Variants in MTAP observed in about 807,000 individuals in gnomAD.
The protein encoded by MTAP is methylthioadenosine phosphorylase.
A neutral mutation model predicts 33.6 loss-of-function variants in MTAP; 33 were observed. The ratio of observed to expected loss-of-function variants is 0.98; its 90% confidence interval spans 0.74 to 1.31. MTAP has a LOEUF of 1.31. Among genes scored for constraint, MTAP ranks in the 40% most tolerant of loss-of-function variants. The pLI is 0.00. For synonymous variants in MTAP, 148 were observed against 125.7 expected, an observed-to-expected ratio of 1.18 and a Z score of -1.19; for missense variants, 367 against 360.0, an observed-to-expected ratio of 1.02 and a Z score of -0.16.
intron 1 of MTAP, among the ~76,000 whole-genome samples, chr9:21,912,432 C>T (rs1044597102): frequency 7.2e-5 from 11 of 152,172 alleles, no homozygotes; most frequent in Non-Finnish European, 1.5e-4. Flanking sequence ...AGCTTAATCA[C>T]CATGATCAAG....
chr9:21,886,994 T>C (rs1818122340), intron 1 of MTAP, among the ~76,000 whole-genome samples: 1 of 152,202 alleles, frequency 6.6e-6, no homozygotes, highest in Non-Finnish European at 1.5e-5. Flanking sequence ...GGTATATTGA[T>C]AGGAATTGCA....
intron 7 of MTAP, chr9:21,860,066 A>T (rs757704245): frequency 6.6e-6 from 1 of 152,128 alleles, no homozygotes; most frequent in African/African-American, 2.4e-5. Flanking sequence ...CCATACCCCA[A>T]AGTCTCCTAG....
chr9:21,936,363 T>C (rs1468003208), exon 8 of MTAP: 3 of 152,234 alleles, frequency 2.0e-5, no homozygotes, highest in African/African-American at 7.2e-5. Context: ...TCCAGACAGA[T>C]GATGATAAAT....
At chr9:21,842,770 G>T (rs747483107) in intron 5 of MTAP, among the ~76,000 whole-genome samples, 1 of 152,134 alleles carries the variant, frequency 6.6e-6, no homozygotes, top group Non-Finnish European at 1.5e-5. Flanking sequence ...TCTAAATCTT[G>T]AAACAAAACC....
chr9:21,931,209 A>C (rs1312684097), downstream of MTAP: 1 of 717,770 alleles, frequency 1.4e-6, no homozygotes, highest in Admixed American at 1.9e-5. Context: ...GCAAGAGGCC[A>C]AGACCCACAG....
At chr9:21,887,176 A>T (rs1157644988) in intron 1 of MTAP, among the ~76,000 whole-genome samples, 1 of 152,104 alleles carries the variant, frequency 6.6e-6, no homozygotes, top group African/African-American at 2.4e-5. Context: ...TTTGTTACAT[A>T]TGTATACATG....
Position 21,862,248 on chromosome 9 carries a change from T to C in MTAP, c.*234T>C. On this transcript the variant is annotated 3_prime_UTR_variant, in exon 8 of 8. Coordinates refer to ENST00000644715, the MANE Select transcript of MTAP (RefSeq NM_002451.4). ...ACTAGTAAACATGTGGGAAAAAATA[T>C]TACATTTTAAGGGGGAAAAAAAAAC... 1.8e-6 allele frequency: 2 copies of C among 1,105,618 alleles called. No homozygotes were observed. The highest frequency in any genetic ancestry group is 2.3e-6 in the Non-Finnish European group (2 of 859,192). The allele number at this position is 1,105,618 out of a possible 1,614,324, so 68.5% of individuals were successfully genotyped here.
At chr9:21,930,075 T>C in intron 1 of MTAP, 1 of 460,484 alleles carries the variant, frequency 2.2e-6, no homozygotes, top group Non-Finnish European at 4.3e-6. Context: ...AATTTCTAGT[T>C]CCAGCCTGAT....
intron 1 of MTAP, among the ~76,000 whole-genome samples, chr9:21,897,622 C>CCATT (rs1818318128): frequency 6.6e-6 from 1 of 152,132 alleles, no homozygotes; most frequent in Admixed American, 6.5e-5. Flanking sequence ...GAGTGAACTC[C>CCATT]CATTCACAAT....
chr9:21,830,031 A>G (rs1824928141), intron 4 of MTAP, among the ~76,000 whole-genome samples: 1 of 152,202 alleles, frequency 6.6e-6, no homozygotes, highest in African/African-American at 2.4e-5. Flanking sequence ...AAAAAGAGGT[A>G]GAGAGTGCAG....
intron 1 of MTAP, among the ~76,000 whole-genome samples, chr9:21,875,127 C>T (rs895380873): frequency 5.9e-5 from 9 of 152,032 alleles, no homozygotes; most frequent in African/African-American, 1.7e-4. Context: ...TGAATAGTGC[C>T]GCAATAAACA....
At chr9:21,809,938 T>C (rs1372788012) in intron 1 of MTAP, among the ~76,000 whole-genome samples, 1 of 152,230 alleles carries the variant, frequency 6.6e-6, no homozygotes, top group East Asian at 1.9e-4. Context: ...TTTCAGCAGG[T>C]GAAGTGTGTC....
intron 4 of MTAP, among the ~76,000 whole-genome samples, chr9:21,831,527 A>T (rs569984179): frequency 6.6e-6 from 1 of 151,560 alleles, no homozygotes. Flanking sequence ...GGGTCTCACT[A>T]TGTTGCCCAG....
chr9:21,927,339 G>A lies in MTAP; in HGVS notation c.148-3669G>A, dbSNP rs148339233. ...CCCTCAAAATCACAATGGGACAGTC[G>A]GTCAGGCTCCTGACATTCCAACTAA... is the stretch of plus-strand genomic sequence containing the variant. On this transcript the variant is annotated intron_variant, in intron 1 of 1. Transcript: ENST00000577563. 1.6e-4 allele frequency among the ~76,000 whole-genome samples: 24 copies of A among 152,228 alleles called. No homozygotes were observed. The East Asian group carries it at 2.1e-3, about 13-fold the overall frequency.
At chr9:21,938,046 G>C (rs1253893852), downstream of MTAP, among the ~76,000 whole-genome samples, 1 of 152,140 alleles carries the variant, frequency 6.6e-6, no homozygotes, top group Non-Finnish European at 1.5e-5. Flanking sequence ...GCTAAGGTGG[G>C]CTGATTGCCT....
At chr9:21,840,339 C>T (rs1256099770) in intron 5 of MTAP, among the ~76,000 whole-genome samples, 5 of 152,186 alleles carry the variant, frequency 3.3e-5, no homozygotes, top group South Asian at 4.2e-4. Flanking sequence ...AGGAACTTAC[C>T]GGGAAAACCA....
At chr9:21,923,009 A>G (rs74705782) in intron 1 of MTAP, among the ~76,000 whole-genome samples, 3,533 of 152,202 alleles carry the variant, frequency 0.023, 139 homozygotes, top group African/African-American at 0.079. Context: ...GTGTTCTGAA[A>G]CGGCCTTGTG....
At position 21,880,363 on chromosome 9, in the gene MTAP, A is replaced by G. The variant is rs78748528; in HGVS notation, c.147+25493A>G. Among the ~76,000 whole-genome samples the G allele has an allele frequency of 8.9e-3, 1,350 of 152,264 alleles. 13 individuals carry two copies. Among genetic ancestry groups the G allele is most frequent in the African/African-American group, 0.031 (1,288 of 41,556 alleles). On this transcript the variant is annotated intron_variant, in intron 1 of 1. Coordinates refer to the MTAP transcript ENST00000577563. ...CTATTCATTATAGATAATCCAGTTT[A>G]TGGTATTTAGTTACAGCAACAGAAA...
chr9:21,902,525 C>T (rs538406340), intron 1 of MTAP, among the ~76,000 whole-genome samples: 3 of 152,310 alleles, frequency 2.0e-5, no homozygotes, highest in Admixed American at 6.5e-5. Context: ...AACCATACAC[C>T]ATCCACTTTC....
Sources: allele counts gnomAD v4.1 joint callset (sites outside exome capture counted in the v4.1 genomes callset), GRCh38; gene constraint gnomAD v4.1.1; transcripts MANE v1.5; gene names NCBI Gene and HGNC (gene_info 2026-07-23, HGNC 2026-07-21).